Variants in KDM4C observed in about 807,000 individuals in gnomAD.
The protein encoded by KDM4C is lysine demethylase 4C.
Under a neutral mutation model 129.3 loss-of-function variants are expected in KDM4C, and 81 were observed. The observed-to-expected ratio is 0.63, with a 90% CI of 0.52 to 0.75. The LOEUF is 0.75. KDM4C is among the 30% of genes least tolerant of loss of function. KDM4C has a pLI of 0.00. For synonymous variants in KDM4C, 573 were observed against 456.1 expected (o/e 1.26, Z -3.26); for missense variants, 1,457 against 1,304.0 (o/e 1.12, Z -1.81).
intron 1 of KDM4C, among the ~76,000 whole-genome samples, chr9:6,736,894 A>G (rs1021164302): frequency 6.6e-6 from 1 of 152,002 alleles, no homozygotes; most frequent in African/African-American, 2.4e-5. Flanking sequence ...CTACAAAAAA[A>G]TACAAAATTA....
intron 3 of KDM4C, among the ~76,000 whole-genome samples, chr9:6,807,324 T>A (rs1452885305): frequency 7.3e-6 from 1 of 137,856 alleles, no homozygotes; most frequent in Non-Finnish European, 1.6e-5. Flanking sequence ...AAGTGAGGAG[T>A]GTCTCTGCCT....
At chr9:6,943,399 A>T (rs1263310867) in intron 8 of KDM4C, among the ~76,000 whole-genome samples, 1 of 152,186 alleles carries the variant, frequency 6.6e-6, no homozygotes, top group East Asian at 1.9e-4. Flanking sequence ...CTTTGGATAA[A>T]ACACCACTTT....
intron 4 of KDM4C, 59 bp downstream of exon 4, chr9:6,814,804 C>T (rs746203948): frequency 5.5e-5 from 61 of 1,115,532 alleles, no homozygotes; most frequent in Middle Eastern, 2.4e-4. Flanking sequence ...GTTTTGTTAC[C>T]ATTTAAGCAG....
At chr9:7,140,139 C>G (rs1337219695) in intron 19 of KDM4C, among the ~76,000 whole-genome samples, 1 of 152,138 alleles carries the variant, frequency 6.6e-6, no homozygotes, top group African/African-American at 2.4e-5. Context: ...AGGAGACAGC[C>G]TTTCCCTGGT....
At chr9:6,749,106 G>A in intron 1 of KDM4C, 1 of 436,058 alleles carries the variant, frequency 2.3e-6, no homozygotes, top group Non-Finnish European at 4.5e-6. Context: ...TGCAACCTCT[G>A]CCTCCTAGGT....
At chr9:6,767,504 G>A (rs1258784336) in intron 1 of KDM4C, among the ~76,000 whole-genome samples, 2 of 151,108 alleles carry the variant, frequency 1.3e-5, no homozygotes, top group Non-Finnish European at 2.9e-5. Context: ...GCATGATCTC[G>A]GCTCACTGCA....
chr9:6,825,567 T>TG (rs1473379205), intron 4 of KDM4C, among the ~76,000 whole-genome samples: 1 of 152,186 alleles, frequency 6.6e-6, no homozygotes, highest in African/African-American at 2.4e-5. Flanking sequence ...TGGAGTTCTT[T>TG]GGGGTACATC....
chr9:7,169,214 T>A (rs78924810), intron 20 of KDM4C, among the ~76,000 whole-genome samples: 3,632 of 152,348 alleles, frequency 0.024, 105 homozygotes, highest in East Asian at 0.14. Flanking sequence ...GATTTCCATT[T>A]GATCAGCAGC....
intron 8 of KDM4C, among the ~76,000 whole-genome samples, chr9:6,894,237 C>T (rs1356831033): frequency 2.0e-5 from 3 of 152,134 alleles, no homozygotes; most frequent in Non-Finnish European, 4.4e-5. Context: ...AAAATATAGC[C>T]CTTTGGCAGC....
At position 6,840,003 on chromosome 9, in the gene KDM4C, G is replaced by A. The variant is rs188125292; in HGVS notation, c.436-9504G>A. On this transcript the variant is annotated intron_variant, in intron 4 of 21. Coordinates refer to ENST00000381309, the MANE Select transcript of KDM4C (RefSeq NM_015061.6). ...CAATTCCAGTATTTATGAGGGGATT[G>A]TTTACAAAGAGCTATGATATACTGG... 8.4e-3 allele frequency among the ~76,000 whole-genome samples: 1,278 copies of A among 152,202 alleles called. 11 individuals are homozygous for A. The highest frequency in any genetic ancestry group is 0.012 in the Non-Finnish European group (830 of 68,006).
At chr9:6,740,425 G>A (rs975484398) in intron 1 of KDM4C, among the ~76,000 whole-genome samples, 13 of 151,728 alleles carry the variant, frequency 8.6e-5, no homozygotes, top group African/African-American at 2.9e-4. Flanking sequence ...GGATGGTCTT[G>A]ATCTCCTGAC....
chr9:7,079,611 G>A (rs868488796), intron 17 of KDM4C, among the ~76,000 whole-genome samples: 1 of 152,112 alleles, frequency 6.6e-6, no homozygotes, highest in Admixed American at 6.6e-5. Flanking sequence ...CGTGAGCCAC[G>A]GCACCCAGCC....
At position 6,768,963 on chromosome 9, in the gene KDM4C, G is replaced by A. The variant is rs184010207; in HGVS notation, c.-18+10760G>A. On this transcript the variant is annotated intron_variant, in intron 1 of 21. Coordinates refer to ENST00000381309, the MANE Select transcript of KDM4C (RefSeq NM_015061.6). ...AATTTTTGTATTTTTAGTAGAGGCG[G>A]GGTTTCACCATGTTGGCCAGGCTGG... 2.0e-3 allele frequency among the ~76,000 whole-genome samples: 309 copies of A among 151,984 alleles called. 2 individuals are homozygous for A. Among genetic ancestry groups the A allele is most frequent in the African/African-American group, 7.1e-3 (293 of 41,476 alleles).
chr9:6,889,535 C>G (rs370415822), intron 7 of KDM4C, among the ~76,000 whole-genome samples: 6 of 152,164 alleles, frequency 3.9e-5, no homozygotes, highest in East Asian at 3.9e-4. Context: ...GGCTGTGCCA[C>G]TCAGAGGGGC....
intron 3 of KDM4C, among the ~76,000 whole-genome samples, chr9:6,806,907 C>T (rs1434905490): frequency 6.6e-6 from 1 of 151,922 alleles, no homozygotes; most frequent in African/African-American, 2.4e-5. Flanking sequence ...TCTCCCTCTC[C>T]CTCTCCCTCT....
At chr9:7,100,946 C>G (rs1186590348) in intron 17 of KDM4C, among the ~76,000 whole-genome samples, 1 of 152,096 alleles carries the variant, frequency 6.6e-6, no homozygotes, top group Non-Finnish European at 1.5e-5. Context: ...TTAGTTCCAC[C>G]TGTTTCCCAT....
chr9:7,143,911 T>C (rs998149965), intron 19 of KDM4C, among the ~76,000 whole-genome samples: 4 of 152,226 alleles, frequency 2.6e-5, no homozygotes, highest in Non-Finnish European at 4.4e-5. Flanking sequence ...TGGTTAACTT[T>C]ATGCATTTAC....
chr9:7,092,422 T>C (rs1355274314), intron 17 of KDM4C, among the ~76,000 whole-genome samples: 1 of 152,208 alleles, frequency 6.6e-6, no homozygotes, highest in Admixed American at 6.5e-5. Flanking sequence ...TACAAAAAAC[T>C]AGAGGCCTTG....
intron 17 of KDM4C, among the ~76,000 whole-genome samples, chr9:7,062,930 G>A (rs1831913709): frequency 6.6e-6 from 1 of 151,920 alleles, no homozygotes; most frequent in African/African-American, 2.4e-5. Context: ...CCTTATTTTA[G>A]GAGTAATTAC....
Sources: allele counts gnomAD v4.1 joint callset (sites outside exome capture counted in the v4.1 genomes callset), GRCh38; gene constraint gnomAD v4.1.1; transcripts MANE v1.5; gene names NCBI Gene and HGNC (gene_info 2026-07-23, HGNC 2026-07-21).